SMYD3: variants seen among roughly 807,000 people sequenced by gnomAD.
SMYD3 encodes the protein histone-lysine N-methyltransferase SMYD3.
SMYD3 carries 36 observed loss-of-function variants against 57.7 expected under a neutral mutation model. The observed-to-expected ratio is 0.62, with a 90% CI of 0.48 to 0.82. The LOEUF (loss-of-function observed/expected upper bound fraction) is 0.82. Among genes scored for constraint, SMYD3 ranks in the 40% least tolerant of loss-of-function variants. SMYD3 has a pLI of 0.00. For missense variants in SMYD3, 515 were observed against 538.8 expected (o/e 0.96, Z 0.44); for synonymous variants, 211 against 195.0 (o/e 1.08, Z -0.68).
chr1:246,273,104 TCTGTATGATTCATAATAATGTCCCTG>T (rs1241736098), intron 5 of SMYD3, among the ~76,000 whole-genome samples: 3,193 of 150,710 alleles, frequency 0.021, 125 homozygotes, highest in African/African-American at 0.074. Context: ...CCTTTTTCAT[TCTGTATGATTCATAATAATGTCCCTG>T]TTTTCTTTTT....
At chr1:246,456,929 C>T (rs1319376951) in intron 1 of SMYD3, among the ~76,000 whole-genome samples, 1 of 152,182 alleles carries the variant, frequency 6.6e-6, no homozygotes, top group Non-Finnish European at 1.5e-5. Flanking sequence ...ACCGAATGGA[C>T]CAGACTAATC....
chr1:246,166,492 C>A (rs1338749438), intron 5 of SMYD3, among the ~76,000 whole-genome samples: 1 of 152,102 alleles, frequency 6.6e-6, no homozygotes. Flanking sequence ...AAAATGTAAG[C>A]CCTTTATTTG....
intron 5 of SMYD3, among the ~76,000 whole-genome samples, chr1:246,123,162 C>T (rs78434836): frequency 0.031 from 4,705 of 152,188 alleles, 252 homozygotes; most frequent in African/African-American, 0.11. Flanking sequence ...TGCCAGAACA[C>T]CTTTCAAAAA....
chr1:245,999,959 G>T (rs936235104), intron 5 of SMYD3, among the ~76,000 whole-genome samples: 2 of 152,142 alleles, frequency 1.3e-5, no homozygotes, highest in Non-Finnish European at 2.9e-5. Context: ...TTCACTCAAC[G>T]TTTTGAATCC....
At chr1:246,134,710 C>T (rs1276945526) in intron 5 of SMYD3, among the ~76,000 whole-genome samples, 2 of 151,942 alleles carry the variant, frequency 1.3e-5, no homozygotes, top group Non-Finnish European at 2.9e-5. Flanking sequence ...ACATAAGACC[C>T]TCTGACTTTT....
At chr1:246,107,152 T>G (rs1480648632) in intron 5 of SMYD3, among the ~76,000 whole-genome samples, 1 of 148,058 alleles carries the variant, frequency 6.8e-6, no homozygotes, top group South Asian at 2.3e-4. Flanking sequence ...CCAGGCGTGG[T>G]GGCAGGCGCC....
At chr1:245,861,082 C>A (rs978854777) in intron 9 of SMYD3, among the ~76,000 whole-genome samples, 3 of 152,230 alleles carry the variant, frequency 2.0e-5, no homozygotes, top group Admixed American at 6.5e-5. Flanking sequence ...GCCAATTTCC[C>A]TTCACAATGC....
intron 1 of SMYD3, among the ~76,000 whole-genome samples, chr1:246,415,666 C>T (rs970575479): frequency 5.9e-5 from 9 of 152,170 alleles, no homozygotes; most frequent in South Asian, 2.1e-4. Flanking sequence ...TCAAGTGATC[C>T]TCCTGCCTCA....
At chr1:246,357,003 G>A (rs935814200) in intron 1 of SMYD3, among the ~76,000 whole-genome samples, 1 of 152,172 alleles carries the variant, frequency 6.6e-6, no homozygotes, top group Non-Finnish European at 1.5e-5. Context: ...AAAGATGAAG[G>A]AAAGACTCTT....
At chr1:246,261,133 A>G (rs1354439864) in intron 5 of SMYD3, among the ~76,000 whole-genome samples, 2 of 151,994 alleles carry the variant, frequency 1.3e-5, no homozygotes, top group East Asian at 3.9e-4. Flanking sequence ...ATCTCAGCTC[A>G]CTGCAAGCTC....
At chr1:245,768,469 T>C (rs898577164) in intron 10 of SMYD3, among the ~76,000 whole-genome samples, 1 of 152,236 alleles carries the variant, frequency 6.6e-6, no homozygotes, top group African/African-American at 2.4e-5. Flanking sequence ...TCTCTATTGG[T>C]CCTACGTGAC....
chr1:246,492,850 G>A (rs143881529), intron 1 of SMYD3, among the ~76,000 whole-genome samples: 154 of 152,292 alleles, frequency 1.0e-3, no homozygotes, highest in African/African-American at 3.4e-3. Flanking sequence ...GCAAGGAGCC[G>A]GTTTGAACTG....
At chr1:246,063,110 C>T (rs1321372932) in intron 5 of SMYD3, among the ~76,000 whole-genome samples, 2 of 152,144 alleles carry the variant, frequency 1.3e-5, no homozygotes, top group Admixed American at 6.5e-5. Context: ...GGCACACAGT[C>T]GTACTCACAG....
rs545141620 is a variant in SMYD3 at position 246,374,748 on chromosome 1, G to A, written c.165-19654C>T. Among the ~76,000 whole-genome samples, 208 of 152,172 alleles carry A rather than the reference G, an allele frequency of 1.4e-3. 1 individual carries two copies. The highest frequency in any genetic ancestry group is 3.4e-3 in the Middle Eastern group (1 of 294). On this transcript the variant is annotated intron_variant, in intron 1 of 11. Coordinates refer to ENST00000490107, the MANE Select transcript of SMYD3 (RefSeq NM_001167740.2). ...GCAGGAGTGTGAGGCCGAGGTTGGT[G>A]GATCACTTGAGGTCAGGAGTTCAAG...
intron 8 of SMYD3, among the ~76,000 whole-genome samples, chr1:245,872,675 G>A (rs187613799): frequency 2.4e-4 from 36 of 152,318 alleles, no homozygotes; most frequent in African/African-American, 7.5e-4. Context: ...CATTCCCACC[G>A]TCGCTGCCAG....
intron 5 of SMYD3, among the ~76,000 whole-genome samples, chr1:246,090,242 A>G (rs1013297654): frequency 6.6e-6 from 1 of 152,228 alleles, no homozygotes; most frequent in African/African-American, 2.4e-5. Context: ...TGTCCAACAT[A>G]CATAATCCTT....
chr1:245,856,953 C>T (rs2051274049), intron 10 of SMYD3, among the ~76,000 whole-genome samples: 1 of 152,212 alleles, frequency 6.6e-6, no homozygotes. Flanking sequence ...AACCATCTGA[C>T]CTGCCTCTTT....
At chr1:246,047,349 GTTA>G (rs2059987134) in intron 5 of SMYD3, among the ~76,000 whole-genome samples, 1 of 152,136 alleles carries the variant, frequency 6.6e-6, no homozygotes, top group African/African-American at 2.4e-5. Flanking sequence ...AAAGCCAAGT[GTTA>G]TGATAACTTT....
At chr1:246,045,778 C>A (rs1301777788) in intron 5 of SMYD3, among the ~76,000 whole-genome samples, 1 of 151,920 alleles carries the variant, frequency 6.6e-6, no homozygotes, top group East Asian at 1.9e-4. Flanking sequence ...CTTAAATTTA[C>A]AAGAAAAAAA....
Sources: allele counts gnomAD v4.1 joint callset (sites outside exome capture counted in the v4.1 genomes callset), GRCh38; gene constraint gnomAD v4.1.1; transcripts MANE v1.5; gene names NCBI Gene and HGNC (gene_info 2026-07-23, HGNC 2026-07-21).